GRM8: variants seen among roughly 807,000 people sequenced by gnomAD.
The protein encoded by GRM8 is metabotropic glutamate receptor 8.
Under a neutral mutation model 87.2 loss-of-function variants are expected in GRM8, and 47 were observed. That is an observed-to-expected ratio of 0.54 (90% CI 0.43 to 0.69). The LOEUF is 0.69. GRM8 is among the 30% of genes least tolerant of loss of function. The pLI is 0.00. For missense variants in GRM8, 1,019 were observed against 1,139.2 expected (o/e 0.89, Z 1.52); for synonymous variants, 396 against 404.5 (o/e 0.98, Z 0.25).
intron 7 of GRM8, among the ~76,000 whole-genome samples, chr7:126,657,307 T>C (rs1241201742): frequency 2.0e-5 from 3 of 152,064 alleles, no homozygotes; most frequent in East Asian, 1.9e-4. Context: ...AAATATTACA[T>C]TGGTGCAAAA....
chr7:126,489,175 CAACAGTGA>C (rs1807711083), intron 9 of GRM8, among the ~76,000 whole-genome samples: 1 of 151,962 alleles, frequency 6.6e-6, no homozygotes, highest in South Asian at 2.1e-4. Context: ...CCAATGTCTG[CAACAGTGA>C]AATGCTTATC....
intron 6 of GRM8, among the ~76,000 whole-genome samples, chr7:126,784,748 A>AG (rs1820455985): frequency 6.6e-6 from 1 of 151,856 alleles, no homozygotes; most frequent in Admixed American, 6.6e-5. Context: ...ACCGTTTTTT[A>AG]GGAAAACTGA....
intron 3 of GRM8, among the ~76,000 whole-genome samples, chr7:127,038,307 G>A (rs553712963): frequency 3.9e-5 from 6 of 152,098 alleles, no homozygotes; most frequent in South Asian, 2.1e-4. Flanking sequence ...AAGACAATAC[G>A]TAAGAAAGTT....
At chr7:126,552,153 C>T (rs1329117502) in intron 8 of GRM8, among the ~76,000 whole-genome samples, 1 of 152,000 alleles carries the variant, frequency 6.6e-6, no homozygotes, top group Non-Finnish European at 1.5e-5. Flanking sequence ...TTAATTTGTC[C>T]CCGATCACTT....
chr7:126,562,892 C>T (rs1793859099), intron 8 of GRM8, among the ~76,000 whole-genome samples: 1 of 152,268 alleles, frequency 6.6e-6, no homozygotes, highest in East Asian at 1.9e-4. Context: ...AGCAAAACTC[C>T]ATCTCAAATA....
chr7:126,464,146 T>C (rs926477036), intron 9 of GRM8, among the ~76,000 whole-genome samples: 3 of 151,644 alleles, frequency 2.0e-5, no homozygotes, highest in Admixed American at 6.6e-5. Context: ...CTCCATTACA[T>C]ATTATGGATA....
chr7:126,628,416 A>G (rs1470500400), intron 7 of GRM8, among the ~76,000 whole-genome samples: 3 of 152,186 alleles, frequency 2.0e-5, no homozygotes, highest in Non-Finnish European at 2.9e-5. Context: ...AAAGTTTTGT[A>G]TAGCTCAACT....
chr7:127,014,869 A>G (rs1025470567), intron 3 of GRM8, among the ~76,000 whole-genome samples: 6 of 150,888 alleles, frequency 4.0e-5, no homozygotes, highest in African/African-American at 1.5e-4. Context: ...GACGAGTAGC[A>G]AGAACCGCTT....
chr7:126,971,157 TAAAAA>T (rs71177581), intron 3 of GRM8, among the ~76,000 whole-genome samples: 7 of 100,244 alleles, frequency 7.0e-5, no homozygotes, highest in African/African-American at 1.2e-4. Context: ...TTTCAATTTG[TAAAAA>T]AAAAAAAAAA....
intron 3 of GRM8, among the ~76,000 whole-genome samples, chr7:126,946,210 G>A (rs1041382799): frequency 6.6e-6 from 1 of 152,204 alleles, no homozygotes. Context: ...CTTAGAAAAA[G>A]TCTGGACTTG....
rs541064412 is a variant in GRM8, at chr7:126,959,655, T to C, written c.728-54972A>G. On this transcript the variant is annotated intron_variant, in intron 3 of 10. Transcript: ENST00000339582. ...CTGCAAAAATTTGCTTACCAATTATTACTTAATTATTTGCACACATTTATT... is the reference window on the plus strand; with the variant it reads ...CTGCAAAAATTTGCTTACCAATTATCACTTAATTATTTGCACACATTTATT... Among the ~76,000 whole-genome samples, 75 of 152,304 alleles carry C rather than the reference T, an allele frequency of 4.9e-4. 1 individual carries two copies. The South Asian group carries it at 0.011, about 22-fold the overall frequency.
chr7:126,808,984 T>C (rs1793040415), intron 6 of GRM8, among the ~76,000 whole-genome samples: 1 of 152,184 alleles, frequency 6.6e-6, no homozygotes, highest in South Asian at 2.1e-4. Context: ...AGGTCATAAG[T>C]GCAAAATGGG....
At chr7:127,087,792 A>T (rs919749403) in intron 3 of GRM8, among the ~76,000 whole-genome samples, 1 of 152,202 alleles carries the variant, frequency 6.6e-6, no homozygotes, top group Non-Finnish European at 1.5e-5. Context: ...AAAAATGAAG[A>T]ATCTAAAAAT....
intron 6 of GRM8, among the ~76,000 whole-genome samples, chr7:126,828,687 GT>G (rs1280200379): frequency 6.6e-6 from 1 of 152,082 alleles, no homozygotes; most frequent in South Asian, 2.1e-4. Flanking sequence ...TTTTTGAAGG[GT>G]TTTTTGTGTC....
intron 3 of GRM8, among the ~76,000 whole-genome samples, chr7:127,075,377 A>C (rs903954729): frequency 1.3e-5 from 2 of 152,260 alleles, no homozygotes; most frequent in African/African-American, 4.8e-5. Context: ...CTATATTCAT[A>C]GTTTAGTAAA....
At chr7:126,844,897 T>C (rs2237772) in intron 6 of GRM8, among the ~76,000 whole-genome samples, 32,716 of 152,130 alleles carry the variant, frequency 0.22, 3,946 homozygotes, top group East Asian at 0.5. Context: ...CTCCAAATAG[T>C]CACATTGGAG....
chr7:126,982,130 C>T (rs1811603033), intron 3 of GRM8, among the ~76,000 whole-genome samples: 2 of 152,090 alleles, frequency 1.3e-5, no homozygotes, highest in African/African-American at 4.8e-5. Flanking sequence ...TGCAGTCCGA[C>T]GTTCAAGGGC....
intron 2 of GRM8, among the ~76,000 whole-genome samples, chr7:127,236,917 T>C (rs1798014041): frequency 6.6e-6 from 1 of 152,048 alleles, no homozygotes; most frequent in Non-Finnish European, 1.5e-5. Flanking sequence ...TACAGTCTAG[T>C]GGGGGATGCA....
At chr7:126,444,016 A>G (rs753010743) in intron 10 of GRM8, among the ~76,000 whole-genome samples, 15 of 151,932 alleles carry the variant, frequency 9.9e-5, no homozygotes, top group Non-Finnish European at 1.9e-4. Context: ...TTATATCACT[A>G]TAAGTTTGGT....
Sources: allele counts gnomAD v4.1 joint callset (sites outside exome capture counted in the v4.1 genomes callset), GRCh38; gene constraint gnomAD v4.1.1; transcripts MANE v1.5; gene names NCBI Gene and HGNC (gene_info 2026-07-23, HGNC 2026-07-21).